Variants in CACHD1 observed in about 807,000 individuals in gnomAD.
CACHD1 encodes cache domain containing 1, also known as VWFA and cache domain-containing protein 1.
Under a neutral mutation model 138.7 loss-of-function variants are expected in CACHD1, and 71 were observed. That is an observed-to-expected ratio of 0.51 (90% CI 0.42 to 0.62). CACHD1 has a LOEUF of 0.62. CACHD1 is among the 20% of genes least tolerant of loss of function. CACHD1 has a pLI of 0.00. For synonymous variants in CACHD1, 578 were observed against 591.5 expected, an observed-to-expected ratio of 0.98 and a Z score of 0.33; for missense variants, 1,389 against 1,625.3, an observed-to-expected ratio of 0.85 and a Z score of 2.50.
intron 1 of CACHD1, among the ~76,000 whole-genome samples, chr1:64,530,640 G>A (rs1337978086): frequency 1.3e-5 from 2 of 152,076 alleles, no homozygotes; most frequent in African/African-American, 4.8e-5. Flanking sequence ...GGAGGCCGAG[G>A]TGGGCGGATC....
chr1:64,579,789 G>A (rs1646997412), intron 2 of CACHD1: 1 of 153,978 alleles, frequency 6.5e-6, no homozygotes, highest in Non-Finnish European at 1.5e-5. Context: ...ATAATGCCAG[G>A]CAGTGTGCTA....
chr1:64,478,681 G>A (rs1235904101), intron 1 of CACHD1, among the ~76,000 whole-genome samples: 2 of 152,130 alleles, frequency 1.3e-5, no homozygotes, highest in Admixed American at 6.5e-5. Context: ...AGAAATAAAC[G>A]CTAAAATATG....
intron 1 of CACHD1, among the ~76,000 whole-genome samples, chr1:64,492,395 T>TTTTTTTTTTTTTTTTTTTTGAGACGG (rs1232760080): frequency 6.9e-6 from 1 of 144,360 alleles, no homozygotes; most frequent in Non-Finnish European, 1.5e-5. Context: ...ATTGTTTTCT[T>TTTTTTTTTTTTTTTTTTTTGAGACGG]AAAACAAGCC....
chr1:64,586,699 T>C (rs1232463968), intron 3 of CACHD1, among the ~76,000 whole-genome samples: 3 of 152,194 alleles, frequency 2.0e-5, no homozygotes, highest in African/African-American at 7.2e-5. Flanking sequence ...GATTAAGTAT[T>C]TACTTCAATA....
At chr1:64,689,388 C>T (rs971009709) in intron 26 of CACHD1, among the ~76,000 whole-genome samples, 6 of 152,168 alleles carry the variant, frequency 3.9e-5, no homozygotes, top group African/African-American at 1.4e-4. Context: ...CCCCCACAGT[C>T]CCCCACATCT....
chr1:64,615,102 G>A (rs951761429), intron 4 of CACHD1, among the ~76,000 whole-genome samples: 3 of 152,066 alleles, frequency 2.0e-5, no homozygotes, highest in Non-Finnish European at 2.9e-5. Context: ...TCACCGCTCC[G>A]TACTTTTGAT....
At chr1:64,602,653 G>C (rs1396854754) in intron 3 of CACHD1, among the ~76,000 whole-genome samples, 153 bp from the exon 4 acceptor site, 1 of 152,116 alleles carries the variant, frequency 6.6e-6, no homozygotes, top group Non-Finnish European at 1.5e-5. Context: ...ACCACACACA[G>C]AGTTCCGAAA....
intron 1 of CACHD1, among the ~76,000 whole-genome samples, chr1:64,520,365 T>G (rs577091408): frequency 6.6e-6 from 1 of 152,330 alleles, no homozygotes; most frequent in Non-Finnish European, 1.5e-5. Context: ...CAAATCCACC[T>G]CTGACATTCA....
chr1:64,548,943 A>T (rs759854290), intron 1 of CACHD1, among the ~76,000 whole-genome samples: 8 of 152,218 alleles, frequency 5.3e-5, no homozygotes, highest in Non-Finnish European at 1.0e-4. Flanking sequence ...GCAAATTCTT[A>T]TAAGACAATA....
At chr1:64,653,508 C>A (rs200653030) in intron 10 of CACHD1, among the ~76,000 whole-genome samples, 1 of 149,842 alleles carries the variant, frequency 6.7e-6, no homozygotes, top group African/African-American at 2.5e-5. Flanking sequence ...TATAAAACAA[C>A]AAAACAACCA....
At chr1:64,484,847 A>G (rs1409078639) in intron 1 of CACHD1, among the ~76,000 whole-genome samples, 2 of 152,250 alleles carry the variant, frequency 1.3e-5, no homozygotes, top group African/African-American at 2.4e-5. Context: ...CATTGTGTAT[A>G]TGTGCCACAT....
At chr1:64,477,929 C>T (rs1051859611) in intron 1 of CACHD1, among the ~76,000 whole-genome samples, 29 of 151,876 alleles carry the variant, frequency 1.9e-4, no homozygotes, top group African/African-American at 5.8e-4. Context: ...CCACCGCGCC[C>T]GGCCCCCCCA....
chr1:64,683,960 C>G (rs918877439), intron 26 of CACHD1, among the ~76,000 whole-genome samples: 3 of 152,174 alleles, frequency 2.0e-5, no homozygotes, highest in Non-Finnish European at 2.9e-5. Context: ...TCTGTGTATG[C>G]TCTACTCTCC....
chr1:64,525,694 A>G (rs567757045), intron 1 of CACHD1, among the ~76,000 whole-genome samples: 2 of 152,348 alleles, frequency 1.3e-5, no homozygotes, highest in East Asian at 3.9e-4. Flanking sequence ...AATGGCCTTA[A>G]CTGGTTAGAT....
intron 4 of CACHD1, among the ~76,000 whole-genome samples, chr1:64,615,023 T>G (rs1222489329): frequency 6.6e-6 from 1 of 152,306 alleles, no homozygotes; most frequent in South Asian, 2.1e-4. Context: ...CTTCTGCTCC[T>G]TTTCCTTGAG....
intron 1 of CACHD1, among the ~76,000 whole-genome samples, chr1:64,477,512 G>C (rs1353573208): frequency 6.6e-6 from 1 of 151,414 alleles, no homozygotes; most frequent in Admixed American, 6.6e-5. Flanking sequence ...CTCTCACCCA[G>C]CTTAGACAGT....
At chr1:64,518,366 A>G (rs1021118715) in intron 1 of CACHD1, among the ~76,000 whole-genome samples, 2 of 152,042 alleles carry the variant, frequency 1.3e-5, no homozygotes, top group Admixed American at 6.5e-5. Flanking sequence ...TACATGTGCC[A>G]TGGTGGTTTG....
chr1:64,566,480 C>CCCG lies in CACHD1; in HGVS notation c.262-15674_262-15673insGCC, dbSNP rs1491230484. 7.8e-3 allele frequency among the ~76,000 whole-genome samples: 7 copies of CCCG among 892 alleles called. 1 individual carries two copies. The highest frequency in any genetic ancestry group is 0.012 in the African/African-American group (3 of 242). 0.6% of individuals were successfully genotyped at this position (892 alleles called of 152,430 possible). A position where few individuals can be genotyped will look rare whatever the true frequency, so the allele number is the denominator to read the frequency against. On this transcript the variant is annotated intron_variant, in intron 2 of 26. Coordinates refer to ENST00000651257, the MANE Select transcript of CACHD1 (RefSeq NM_020925.4). Reference sequence around the variant, plus strand: ...AGTGCTCCACTGTATGTTTTCAATTCCCCCCCCCCCACAAGGTATGGGGGA... The same window carrying CCCG: ...AGTGCTCCACTGTATGTTTTCAATTCCCGCCCCCCCCCCACAAGGTATGGGGGA...
At chr1:64,508,370 C>T (rs1030602391) in intron 1 of CACHD1, among the ~76,000 whole-genome samples, 5 of 152,132 alleles carry the variant, frequency 3.3e-5, no homozygotes, top group African/African-American at 7.2e-5. Context: ...TTAAGTGTAA[C>T]GCACTACACA....
Sources: allele counts gnomAD v4.1 joint callset (sites outside exome capture counted in the v4.1 genomes callset), GRCh38; gene constraint gnomAD v4.1.1; transcripts MANE v1.5; gene names NCBI Gene and HGNC (gene_info 2026-07-23, HGNC 2026-07-21).